Variants in KIF1B observed in about 807,000 individuals in gnomAD.
KIF1B encodes the protein kinesin-like protein KIF1B.
In KIF1B, 76 loss-of-function variants were observed where a neutral mutation model predicts 241.9. The ratio of observed to expected loss-of-function variants is 0.31; its 90% CI spans 0.26 to 0.38. The LOEUF (loss-of-function observed/expected upper bound fraction) is 0.38, where lower values mean the gene tolerates loss of function less well. KIF1B is among the 10% of genes least tolerant of loss of function. KIF1B has a pLI of 1.00. For synonymous variants in KIF1B, 750 were observed against 796.7 expected (o/e 0.94, Z 0.99); for missense variants, 1,622 against 2,271.4 (o/e 0.71, Z 5.81).
intron 10 of KIF1B, chr1:10,274,876 T>G (rs1443488162): frequency 2.7e-6 from 1 of 367,384 alleles, no homozygotes; most frequent in Non-Finnish European, 5.3e-6. Context: ...CTGTGGTGTT[T>G]TGTTTTGTTT....
intron 22 of KIF1B, chr1:10,304,016 A>C (rs763827622): frequency 6.2e-7 from 1 of 1,611,384 alleles, no homozygotes; most frequent in Admixed American, 1.7e-5. Flanking sequence ...CTTCGTCGGC[A>C]GAATGTACCT....
At chr1:10,298,707 C>T (rs1415311966) in intron 22 of KIF1B, among the ~76,000 whole-genome samples, 1 of 152,156 alleles carries the variant, frequency 6.6e-6, no homozygotes, top group African/African-American at 2.4e-5. Context: ...TGTAATTAAG[C>T]TCTATTATTA....
At chr1:10,223,748 G>A (rs1229341668) in intron 1 of KIF1B, among the ~76,000 whole-genome samples, 1 of 151,952 alleles carries the variant, frequency 6.6e-6, no homozygotes, top group Non-Finnish European at 1.5e-5. Context: ...ATTTCACCAC[G>A]TTGGCCAGGA....
At chr1:10,324,153 G>A (rs1035644199) in intron 25 of KIF1B, 91 bp downstream of exon 25, 9 of 1,240,400 alleles carry the variant, frequency 7.3e-6, no homozygotes, top group Non-Finnish European at 1.1e-5. Context: ...CTCTCTCTGA[G>A]GACACTGTTG....
intron 38 of KIF1B, among the ~76,000 whole-genome samples, 168 bp downstream of exon 38, chr1:10,352,904 C>T (rs1215550603): frequency 1.3e-5 from 2 of 152,060 alleles, no homozygotes; most frequent in African/African-American, 4.8e-5. Flanking sequence ...GCTGTACTCT[C>T]CAAAAAGAAA....
chr1:10,313,295 G>T (rs1374072742), intron 22 of KIF1B, among the ~76,000 whole-genome samples: 2 of 151,126 alleles, frequency 1.3e-5, no homozygotes, highest in African/African-American at 4.9e-5. Context: ...TCAAACTCCC[G>T]ACCTCAGGTG....
In KIF1B at chr1:10,296,598, G is replaced by T. The variant is rs762207697; in HGVS notation, c.1794G>T (p.Glu598Asp). The T allele has an allele frequency of 3.7e-6, 6 of 1,613,802 alleles. No homozygotes were observed. The highest frequency in any genetic ancestry group is 1.3e-5 in the African/African-American group (1 of 74,996). Reference protein sequence around the residue: ...SNSGEVIVTLEPCERSETYVN... With the variant: ...SNSGEVIVTLDPCERSETYVN... Reference sequence around the variant, plus strand: ...TCCTCTTAGTTATCGTGACCTTAGAGCCCTGTGAGCGCTCAGAAACCTACG... The same window carrying T: ...TCCTCTTAGTTATCGTGACCTTAGATCCCTGTGAGCGCTCAGAAACCTACG... The change falls in exon 20 of 49, where the codon GAG (glutamate) becomes GAT (aspartate). Residue 598 changes from glutamate (E) to aspartate (D), a missense_variant. Coordinates refer to ENST00000676179, the MANE Select transcript of KIF1B (RefSeq NM_001365951.3).
rs746632345 is a variant in KIF1B at position 10,371,207 on chromosome 1, C to T, written c.4891C>T (p.Pro1631Ser). 2 of 1,614,092 alleles carry T rather than the reference C, an allele frequency of 1.2e-6. No individual in the cohort carries two copies. Among genetic ancestry groups the T allele is most frequent in the Non-Finnish European group, 8.5e-7 (1 of 1,179,948 alleles). The change falls in exon 45 of 49, where the codon CCC becomes TCC. Residue 1631 changes from proline (P) to serine (S), a missense_variant. By Grantham distance (74) the Pro-to-Ser change is moderately conservative. Transcript: ENST00000676179. ...ESSFSSATLT[P>S]SSTCPSLVDS... Reference sequence around the variant, plus strand: ...CAGTTTCAGCAGTGCCACCCTCACTCCCTCCTCCACCTGTCCCTCTCTGGT... The same window carrying T: ...CAGTTTCAGCAGTGCCACCCTCACTTCCTCCTCCACCTGTCCCTCTCTGGT...
intron 22 of KIF1B, among the ~76,000 whole-genome samples, chr1:10,313,592 C>T (rs1651163019): frequency 6.9e-6 from 1 of 144,818 alleles, no homozygotes; most frequent in African/African-American, 2.6e-5. Context: ...GCTCTGTCGC[C>T]CAGGCTGGAG....
intron 6 of KIF1B, 145 bp from the exon 7 acceptor site, chr1:10,268,007 A>G (rs1648564875): frequency 1.4e-6 from 1 of 707,730 alleles, no homozygotes; most frequent in Non-Finnish European, 2.6e-6. Context: ...ATTGAGAGCA[A>G]TTGTGTAAGT....
In KIF1B at chr1:10,282,380, C is replaced by A. The variant is rs1649452523; in HGVS notation, c.1281C>A (p.Arg427=). 10 of 1,614,002 alleles carry A rather than the reference C, an allele frequency of 6.2e-6. No homozygotes were observed. The highest frequency in any genetic ancestry group is 8.5e-6 in the Non-Finnish European group (10 of 1,180,022). ...ACTTGCTAGCCTCTGAGAATCAACGCCCTGGCCATTTTTCCACAGCATCCA... is the reference window on the plus strand; with the variant it reads ...ACTTGCTAGCCTCTGAGAATCAACGACCTGGCCATTTTTCCACAGCATCCA... ...HRYLLASENQ[R]PGHFSTASMG... The change falls in exon 15 of 49, where the codon CGC becomes CGA. Residue 427 remains arginine, a synonymous_variant. Coordinates refer to ENST00000676179, the MANE Select transcript of KIF1B (RefSeq NM_001365951.3).
intron 38 of KIF1B, 65 bp from the exon 39 acceptor site, chr1:10,360,864 C>T: frequency 2.9e-6 from 3 of 1,023,492 alleles, no homozygotes; most frequent in Non-Finnish European, 4.7e-6. Context: ...TTGACAGTGG[C>T]AGTACCTGGA....
At chr1:10,245,116 GAGATATT>G (rs1331451680) in intron 2 of KIF1B, among the ~76,000 whole-genome samples, 1 of 152,186 alleles carries the variant, frequency 6.6e-6, no homozygotes, top group Non-Finnish European at 1.5e-5. Flanking sequence ...ACTAGACACT[GAGATATT>G]AGATAAATTT....
chr1:10,309,757 A>G (rs1650988319), intron 22 of KIF1B, among the ~76,000 whole-genome samples: 1 of 151,572 alleles, frequency 6.6e-6, no homozygotes, highest in East Asian at 1.9e-4. Flanking sequence ...AACATAAATC[A>G]TATCTTGTCA....
chr1:10,351,450 C>T (rs1005135537), intron 37 of KIF1B, among the ~76,000 whole-genome samples: 1 of 152,166 alleles, frequency 6.6e-6, no homozygotes, highest in Non-Finnish European at 1.5e-5. Context: ...GTTTAATCCT[C>T]ATAGCAACCA....
In KIF1B at chr1:10,321,771, C is replaced by G; in HGVS notation, c.2272C>G (p.Gln758Glu). 1 of 1,614,036 alleles carries G rather than the reference C, an allele frequency of 6.2e-7. No individual in the cohort carries two copies. Among genetic ancestry groups the G allele is most frequent in the Non-Finnish European group, 8.5e-7 (1 of 1,179,880 alleles). Residue 758 changes from glutamine to glutamate, a missense_variant, in exon 24 of 49, where the codon CAG (glutamine) becomes GAG (glutamate). Around this residue, in one of 7 missense-constraint regions of KIF1B, gnomAD observed 803 missense variants for 1,112.0 expected, o/e 0.72. Transcript: ENST00000676179. ...QWAFRKWKSH[Q>E]FTSLRDLLWG... Reference sequence around the variant, plus strand: ...GGCCTTCCGGAAATGGAAGTCTCATCAGTTTACTTCATTACGGGACTTACT... The same window carrying G: ...GGCCTTCCGGAAATGGAAGTCTCATGAGTTTACTTCATTACGGGACTTACT...
At chr1:10,253,260 A>G (rs542838217) in intron 2 of KIF1B, among the ~76,000 whole-genome samples, 2 of 152,294 alleles carry the variant, frequency 1.3e-5, no homozygotes, top group South Asian at 4.1e-4. Context: ...AGCCATGAAT[A>G]ACTTATTTAA....
At chr1:10,249,776 G>A (rs1038631862) in intron 2 of KIF1B, among the ~76,000 whole-genome samples, 2 of 152,116 alleles carry the variant, frequency 1.3e-5, no homozygotes, top group East Asian at 3.9e-4. Flanking sequence ...GGTGGCACGT[G>A]CCTGTGGTCC....
chr1:10,299,852 C>T (rs1650450508), intron 22 of KIF1B, among the ~76,000 whole-genome samples: 1 of 152,156 alleles, frequency 6.6e-6, no homozygotes, highest in South Asian at 2.1e-4. Context: ...TTGCATTTGG[C>T]ATTTAATGAA....
Sources: allele counts gnomAD v4.1 joint callset (sites outside exome capture counted in the v4.1 genomes callset), GRCh38; gene constraint gnomAD v4.1.1; regional missense constraint gnomAD v4.1.1; transcripts MANE v1.5; gene names NCBI Gene and HGNC (gene_info 2026-07-23, HGNC 2026-07-21).